The following SYT16 variants were observed in gnomAD, a reference collection of about 807,000 sequenced individuals.
The protein encoded by SYT16 is synaptotagmin 16, also known as synaptotagmin-16.
In SYT16, 42 loss-of-function variants were observed where a neutral mutation model predicts 61.4. The observed-to-expected ratio is 0.68, with a 90% CI of 0.53 to 0.89. The LOEUF is 0.89. Ranked by LOEUF, SYT16 falls within the 40% of genes least tolerant of loss-of-function variation. SYT16 has a pLI of 0.00. For synonymous variants in SYT16, 314 were observed against 302.3 expected (o/e 1.04, Z -0.40); for missense variants, 804 against 807.3 (o/e 1.00, Z 0.05).
chr14:61,906,389 C>A (rs576411477), intron 1 of SYT16, among the ~76,000 whole-genome samples: 1 of 152,290 alleles, frequency 6.6e-6, no homozygotes, highest in East Asian at 1.9e-4. Flanking sequence ...TTCAAGCGAT[C>A]CTCCCATCTC....
chr14:61,998,043 T>C (rs2052839264), intron 3 of SYT16, among the ~76,000 whole-genome samples: 1 of 151,938 alleles, frequency 6.6e-6, no homozygotes, highest in South Asian at 2.1e-4. Flanking sequence ...CTAACAATGT[T>C]AAGAGGTAGA....
rs557768201 is a variant in SYT16 at position 62,052,956 on chromosome 14, G to C, written c.524-16647G>C. ...TATAGCAGCATGAAAGACATAAATT[G>C]GTTCTGAGCAGTGGGGTGCTGCTGT... On this transcript the variant is annotated intron_variant, in intron 3 of 7. Coordinates refer to ENST00000683842, the MANE Select transcript of SYT16 (RefSeq NM_001367656.1). 9.2e-5 allele frequency among the ~76,000 whole-genome samples: 14 copies of C among 152,306 alleles called. No individual in the cohort carries two copies. The South Asian group carries it at 2.9e-3, about 32-fold the overall frequency.
At chr14:61,819,985 T>C (rs1273552485) in intron 1 of SYT16, among the ~76,000 whole-genome samples, 2 of 152,204 alleles carry the variant, frequency 1.3e-5, no homozygotes. Context: ...TACCTCCCCA[T>C]AGGGTGTACC....
chr14:61,872,553 G>C (rs1321576247), intron 1 of SYT16, among the ~76,000 whole-genome samples: 1 of 152,138 alleles, frequency 6.6e-6, no homozygotes, highest in Non-Finnish European at 1.5e-5. Flanking sequence ...AATTTAACTG[G>C]ATCTCAGCAG....
rs1470846824 is a variant in SYT16, at chr14:61,966,160, TC to T, written c.-324-3970del. ...TTGTTATTAACAAAAATGTTTCTTC[TC>T]CAAAAAAGCAGAGTTATTTTGAGTA... is the stretch of plus-strand genomic sequence containing the variant. On this transcript the variant is annotated intron_variant, in intron 1 of 7. Transcript: ENST00000683842. Among the ~76,000 whole-genome samples the T allele has an allele frequency of 6.6e-5, 10 of 151,556 alleles. No homozygotes were observed. The East Asian group carries it at 1.7e-3, about 26-fold the overall frequency.
At position 61,923,888 on chromosome 14, in the gene SYT16, G is replaced by A. The variant is rs1306314298; in HGVS notation, c.-324-46244G>A. Among the ~76,000 whole-genome samples, 5 of 152,138 alleles carry A rather than the reference G, an allele frequency of 3.3e-5. No individual in the cohort carries two copies. The East Asian group carries it at 9.6e-4, about 29-fold the overall frequency. On this transcript the variant is annotated intron_variant, in intron 1 of 7. Coordinates refer to ENST00000683842, the MANE Select transcript of SYT16 (RefSeq NM_001367656.1). ...ACCATGTTGACAAAAATGATTATAAGACTACATTCTTCATTAAGATCACAA... is the reference window on the plus strand; with the variant it reads ...ACCATGTTGACAAAAATGATTATAAAACTACATTCTTCATTAAGATCACAA...
chr14:61,839,099 G>A (rs1467207258), intron 1 of SYT16, among the ~76,000 whole-genome samples: 1 of 152,120 alleles, frequency 6.6e-6, no homozygotes, highest in Non-Finnish European at 1.5e-5. Flanking sequence ...CTGGAGTTCT[G>A]TGGGAGTGCT....
chr14:61,996,241 T>C lies in SYT16; in HGVS notation c.222T>C (p.Asn74=), dbSNP rs1354141216. 6.2e-7 allele frequency: 1 copy of C among 1,613,606 alleles called. No individual in the cohort carries two copies. Among genetic ancestry groups the C allele is most frequent in the Admixed American group, 1.7e-5 (1 of 59,962 alleles). ...ACTTTGAAGATGAAGAACAAGACAA[T>C]GATTGGAGTCAAGAGGATGCAAATT... ...ETYFEDEEQD[N]DWSQEDANSL... Residue 74 remains asparagine, a synonymous_variant, in exon 3 of 8, where the codon AAT becomes AAC. Transcript: ENST00000683842.
chr14:61,904,055 C>A (rs1236109106), intron 1 of SYT16, among the ~76,000 whole-genome samples: 1 of 152,238 alleles, frequency 6.6e-6, no homozygotes, highest in Admixed American at 6.5e-5. Flanking sequence ...TTGACTGGGA[C>A]CCGAACTTTT....
intron 3 of SYT16, among the ~76,000 whole-genome samples, chr14:62,054,065 A>G (rs1018970892): frequency 6.6e-6 from 1 of 152,206 alleles, no homozygotes; most frequent in Non-Finnish European, 1.5e-5. Context: ...GCTATTTCCA[A>G]GTTTCTTTGC....
intron 4 of SYT16, among the ~76,000 whole-genome samples, chr14:62,073,377 G>A (rs946203979): frequency 6.6e-6 from 1 of 152,100 alleles, no homozygotes; most frequent in Non-Finnish European, 1.5e-5. Flanking sequence ...TTTCCTGTTC[G>A]CATATGTGAG....
chr14:61,992,753 T>C (rs1047668347), intron 2 of SYT16, among the ~76,000 whole-genome samples: 2 of 152,024 alleles, frequency 1.3e-5, no homozygotes, highest in South Asian at 4.2e-4. Flanking sequence ...GCAGGCTACA[T>C]AGAAATGAGT....
At chr14:61,955,225 G>A (rs1275870435) in intron 1 of SYT16, among the ~76,000 whole-genome samples, 2 of 151,956 alleles carry the variant, frequency 1.3e-5, no homozygotes, top group Non-Finnish European at 2.9e-5. Flanking sequence ...CACTATCAAT[G>A]GTATAAACTT....
At chr14:62,011,766 T>A (rs1456147167) in intron 3 of SYT16, among the ~76,000 whole-genome samples, 1 of 151,714 alleles carries the variant, frequency 6.6e-6, no homozygotes, top group East Asian at 1.9e-4. Flanking sequence ...AGGAAAAGCC[T>A]AGATTTGTTG....
At chr14:61,865,888 T>C (rs138146539) in intron 1 of SYT16, among the ~76,000 whole-genome samples, 2 of 152,194 alleles carry the variant, frequency 1.3e-5, no homozygotes, top group African/African-American at 4.8e-5. Context: ...AATCATTTTA[T>C]ATCTGGAATT....
At chr14:61,877,293 A>G (rs188509803) in intron 1 of SYT16, among the ~76,000 whole-genome samples, 1 of 152,178 alleles carries the variant, frequency 6.6e-6, no homozygotes, top group African/African-American at 2.4e-5. Context: ...TCAGGGAGGG[A>G]AGGTTGTCAC....
chr14:61,928,133 C>A (rs559853947), intron 1 of SYT16, among the ~76,000 whole-genome samples: 1 of 152,222 alleles, frequency 6.6e-6, no homozygotes, highest in Non-Finnish European at 1.5e-5. Flanking sequence ...CATGTTCAAA[C>A]CCCTTATGGA....
intron 3 of SYT16, among the ~76,000 whole-genome samples, chr14:62,007,561 A>G (rs1457066758): frequency 1.3e-5 from 2 of 152,130 alleles, no homozygotes; most frequent in Non-Finnish European, 2.9e-5. Flanking sequence ...AGTTGAGAAG[A>G]TGATTATTCC....
rs113386168 is a variant in SYT16 at position 62,002,161 on chromosome 14, G to A, written c.523+5619G>A. 2.6e-3 allele frequency among the ~76,000 whole-genome samples: 393 copies of A among 152,134 alleles called. 2 individuals are homozygous for A. Among genetic ancestry groups the A allele is most frequent in the African/African-American group, 9.0e-3 (372 of 41,520 alleles). ...TATGACTGAAAATAGAACATTATAT[G>A]TAGGGAAAGTATGCGATATTTTTTG... On this transcript the variant is annotated intron_variant, in intron 3 of 7. Coordinates refer to ENST00000683842, the MANE Select transcript of SYT16 (RefSeq NM_001367656.1).
Sources: gnomAD v4.1 joint callset for allele counts (sites outside exome capture counted in the v4.1 genomes callset) on GRCh38, gnomAD v4.1.1 for gene constraint, MANE v1.5 for transcripts, NCBI Gene and HGNC (gene_info 2026-07-23, HGNC 2026-07-21) for gene names.